APP: variants seen among roughly 807,000 people sequenced by gnomAD.
APP encodes amyloid-beta precursor protein.
A neutral mutation model predicts 101.4 loss-of-function variants in APP; 31 were observed. That is an observed-to-expected ratio of 0.31 (90% confidence interval 0.23 to 0.41). APP has a LOEUF of 0.41. Ranked by LOEUF, APP falls within the 10% of genes least tolerant of loss-of-function variation. The pLI is 1.00. For missense variants in APP, 839 were observed against 1,003.7 expected, an observed-to-expected ratio of 0.84 and a Z score of 2.22; for synonymous variants, 366 against 364.4, an observed-to-expected ratio of 1.00 and a Z score of -0.05.
intron 5 of APP, among the ~76,000 whole-genome samples, chr21:26,044,636 T>C (rs11910462): frequency 6.6e-6 from 1 of 152,106 alleles, no homozygotes; most frequent in Non-Finnish European, 1.5e-5. Context: ...GCCTCCCTGG[T>C]TCAATTGATT....
intron 11 of APP, among the ~76,000 whole-genome samples, chr21:25,964,522 A>C (rs566736871): frequency 6.6e-6 from 1 of 152,302 alleles, no homozygotes; most frequent in African/African-American, 2.4e-5. Flanking sequence ...AAACCTGGGA[A>C]GTAAAGACAA....
intron 8 of APP, among the ~76,000 whole-genome samples, chr21:25,996,277 T>G (rs2043051225): frequency 6.6e-6 from 1 of 152,170 alleles, no homozygotes; most frequent in Admixed American, 6.5e-5. Context: ...TAACCTACCA[T>G]TATGCCTTCT....
intron 1 of APP, among the ~76,000 whole-genome samples, chr21:26,134,994 T>C (rs1309977091): frequency 2.6e-5 from 4 of 152,226 alleles, no homozygotes; most frequent in Admixed American, 1.3e-4. Context: ...ACCACTCCAC[T>C]TGTCATTTAA....
intron 13 of APP, among the ~76,000 whole-genome samples, chr21:25,937,283 A>C (rs964361136): frequency 6.6e-6 from 1 of 152,178 alleles, no homozygotes; most frequent in African/African-American, 2.4e-5. Context: ...GGGAGTTTAA[A>C]TTGCTCTGCT....
intron 11 of APP, among the ~76,000 whole-genome samples, chr21:25,966,144 T>C (rs554691554): frequency 2.2e-3 from 339 of 152,364 alleles, no homozygotes; most frequent in Non-Finnish European, 2.8e-3. Context: ...CATTTGTATG[T>C]AGCAAGATTT....
chr21:25,897,772 G>T, intron 15 of APP, 99 bp from the exon 16 acceptor site: 1 of 980,956 alleles, frequency 1.0e-6, no homozygotes, highest in South Asian at 1.3e-5. Flanking sequence ...TTCTTTCTAG[G>T]CCTGAAGTTA....
intron 5 of APP, among the ~76,000 whole-genome samples, chr21:26,042,703 AAC>A (rs71867911): frequency 0.019 from 2,941 of 152,110 alleles, 81 homozygotes; most frequent in African/African-American, 0.067. Context: ...GGAGTTTGAA[AAC>A]AGTCTGGGCA....
rs1568860934 is a variant in APP, at chr21:26,016,940, GGGGCGGGGGGC to G, written c.865+4889_865+4899del. On this transcript the variant is annotated intron_variant, in intron 6 of 17. Coordinates refer to ENST00000346798, the MANE Select transcript of APP (RefSeq NM_000484.4). ...ATTCCCAGCACTTTGTGGGGGGCGG[GGGGCGGGGGGC>G]GGGGGGTGCCGCCAAGGTGGGCAGA... 4.9e-3 allele frequency among the ~76,000 whole-genome samples: 33 copies of G among 6,672 alleles called. 3 individuals are homozygous for G. The highest frequency in any genetic ancestry group is 8.5e-3 in the Non-Finnish European group (6 of 706). 4.4% of individuals were successfully genotyped at this position (6,672 alleles called of 152,430 possible).
chr21:26,029,267 G>C (rs2044715329), intron 5 of APP, among the ~76,000 whole-genome samples: 1 of 152,150 alleles, frequency 6.6e-6, no homozygotes, highest in Non-Finnish European at 1.5e-5. Context: ...GCACAGAATG[G>C]TCTCCAGGGA....
chr21:25,986,684 G>C (rs910420183), intron 8 of APP, among the ~76,000 whole-genome samples: 4 of 152,162 alleles, frequency 2.6e-5, no homozygotes. Flanking sequence ...TGGGCTACAA[G>C]AGCGAAACTC....
chr21:26,165,602 AAATTGAG>A (rs2063589546), intron 1 of APP, among the ~76,000 whole-genome samples: 2 of 152,308 alleles, frequency 1.3e-5, no homozygotes, highest in African/African-American at 4.8e-5. Flanking sequence ...TCAACATTAT[AAATTGAG>A]AACAACTCTG....
intron 6 of APP, among the ~76,000 whole-genome samples, chr21:26,019,884 A>G (rs1435265764): frequency 1.3e-5 from 2 of 152,252 alleles, no homozygotes; most frequent in Non-Finnish European, 2.9e-5. Flanking sequence ...CAGTTGTATG[A>G]AAAACACCCT....
intron 3 of APP, among the ~76,000 whole-genome samples, chr21:26,063,084 G>C (rs907136164): frequency 1.3e-5 from 2 of 152,112 alleles, no homozygotes; most frequent in African/African-American, 4.8e-5. Flanking sequence ...ATTCTGATAC[G>C]GCTACGCACA....
intron 9 of APP, among the ~76,000 whole-genome samples, chr21:25,977,188 C>T (rs975341025): frequency 1.3e-5 from 2 of 152,182 alleles, no homozygotes; most frequent in African/African-American, 4.8e-5. Context: ...CACTCATTAA[C>T]CTGATACAAA....
intron 8 of APP, among the ~76,000 whole-genome samples, chr21:25,992,116 C>T (rs1186264344): frequency 6.6e-6 from 1 of 152,258 alleles, no homozygotes; most frequent in Non-Finnish European, 1.5e-5. Flanking sequence ...AGCGTGGTGG[C>T]TCACACGTGT....
chr21:26,132,621 G>T (rs2062818618), intron 1 of APP, among the ~76,000 whole-genome samples: 1 of 152,078 alleles, frequency 6.6e-6, no homozygotes, highest in Admixed American at 6.5e-5. Context: ...TATCTGTTTA[G>T]TATTCACAAC....
chr21:26,005,526 T>C (rs1601182771), intron 6 of APP, among the ~76,000 whole-genome samples: 1 of 152,200 alleles, frequency 6.6e-6, no homozygotes, highest in African/African-American at 2.4e-5. Context: ...GAAATCTCAG[T>C]TTGAGAAAAT....
intron 10 of APP, among the ~76,000 whole-genome samples, 154 bp from the exon 11 acceptor site, chr21:25,975,382 C>G (rs148696577): frequency 2.0e-5 from 3 of 152,186 alleles, no homozygotes; most frequent in Non-Finnish European, 4.4e-5. Context: ...ACTAATTCTA[C>G]GTTTTATAGC....
At chr21:26,144,885 T>C (rs17588612) in intron 1 of APP, among the ~76,000 whole-genome samples, 10,102 of 152,276 alleles carry the variant, frequency 0.066, 445 homozygotes, top group Middle Eastern at 0.15. Flanking sequence ...CCTGAAGTAA[T>C]AATTTATGCT....
Sources: allele counts gnomAD v4.1 joint callset (sites outside exome capture counted in the v4.1 genomes callset), GRCh38; gene constraint gnomAD v4.1.1; transcripts MANE v1.5; gene names NCBI Gene and HGNC (gene_info 2026-07-23, HGNC 2026-07-21).